Variants in EHMT1 observed in about 807,000 individuals in gnomAD.
EHMT1 encodes the protein histone-lysine N-methyltransferase EHMT1.
A neutral mutation model predicts 147.2 loss-of-function variants in EHMT1; 15 were observed. That is an observed-to-expected ratio of 0.10 (90% confidence interval 0.07 to 0.16). EHMT1 has a LOEUF of 0.16. Ranked by LOEUF, EHMT1 falls within the 10% of genes least tolerant of loss-of-function variation. EHMT1 has a pLI of 1.00. For missense variants in EHMT1, 1,587 were observed against 1,772.4 expected, an observed-to-expected ratio of 0.90 and a Z score of 1.88; for synonymous variants, 795 against 709.6, an observed-to-expected ratio of 1.12 and a Z score of -1.91.
Position 137,717,094 on chromosome 9 carries a change from A to T in EHMT1, c.554A>T (p.Asp185Val). ...GCCACCCTTGGGGAGGGGAGTGCTGACACAGAGGACAGGAAGCTCCCGGCC... is the reference window on the plus strand; with the variant it reads ...GCCACCCTTGGGGAGGGGAGTGCTGTCACAGAGGACAGGAAGCTCCCGGCC... Reference protein sequence around the residue: ...PPATLGEGSADTEDRKLPAPG... With the variant: ...PPATLGEGSAVTEDRKLPAPG... The change falls in exon 3 of 27, where the codon GAC becomes GTC. Residue 185 changes from aspartate to valine, a missense_variant. Physicochemically the swap from Asp to Val is radical, Grantham distance 152. Around this residue, in one of 7 missense-constraint regions of EHMT1, gnomAD observed 810 missense variants for 673.0 expected, o/e 1.20. Transcript: ENST00000460843. The T allele has an allele frequency of 6.2e-7, 1 of 1,612,274 alleles. No homozygotes were observed. Among genetic ancestry groups the T allele is most frequent in the African/African-American group, 1.3e-5 (1 of 75,058 alleles).
At position 137,796,031 on chromosome 9, in the gene EHMT1, G is replaced by A. The variant is rs551388948; in HGVS notation, c.2506-2782G>A. The stretch of plus-strand genomic sequence containing the variant: ...CTGTCAGTAGTTATGCTGCAGACTC[G>A]CTCTCATCCTAAAAGGCAGAGGTTT... On this transcript the variant is annotated intron_variant, in intron 16 of 26. Transcript: ENST00000460843. Among the ~76,000 whole-genome samples, 94 of 152,330 alleles carry A rather than the reference G, an allele frequency of 6.2e-4. 1 individual carries two copies. Among genetic ancestry groups the A allele is most frequent in the African/African-American group, 1.7e-3 (70 of 41,574 alleles).
At chr9:137,658,251 A>T (rs535851326) in intron 1 of EHMT1, among the ~76,000 whole-genome samples, 1 of 152,094 alleles carries the variant, frequency 6.6e-6, no homozygotes, top group South Asian at 2.1e-4. Flanking sequence ...CCTGGGTTCA[A>T]GTGATTCTTG....
chr9:137,644,044 CCTT>C (rs1402786485), intron 1 of EHMT1, among the ~76,000 whole-genome samples: 2 of 152,206 alleles, frequency 1.3e-5, no homozygotes, highest in Non-Finnish European at 2.9e-5. Flanking sequence ...GCCGCTCCTC[CCTT>C]CTTGTTTTGA....
At chr9:137,820,190 CTT>C (rs1300172271) in intron 25 of EHMT1, 1 of 152,230 alleles carries the variant, frequency 6.6e-6, no homozygotes, top group African/African-American at 2.4e-5. Context: ...GGTGAAATGA[CTT>C]GTGTTTCATA....
intron 4 of EHMT1, 178 bp from the exon 5 acceptor site, chr9:137,743,193 G>A (rs556942202): frequency 6.1e-6 from 4 of 651,222 alleles, no homozygotes; most frequent in Admixed American, 2.9e-5. Flanking sequence ...TGAATTGATC[G>A]TGAGGGAAGG....
At chr9:137,626,701 T>C (rs1395834448) in intron 1 of EHMT1, among the ~76,000 whole-genome samples, 1 of 152,142 alleles carries the variant, frequency 6.6e-6, no homozygotes, top group Non-Finnish European at 1.5e-5. Flanking sequence ...CATGGAAAGC[T>C]GAGTGCTGGG....
intron 16 of EHMT1, among the ~76,000 whole-genome samples, chr9:137,795,538 G>GC: frequency 6.6e-6 from 1 of 152,174 alleles, no homozygotes. Flanking sequence ...GGATGTGAGT[G>GC]AAATTGAGGT....
chr9:137,631,666 A>G (rs976324920), intron 1 of EHMT1, among the ~76,000 whole-genome samples: 4 of 152,160 alleles, frequency 2.6e-5, no homozygotes, highest in Non-Finnish European at 5.9e-5. Context: ...ACTTGAGCCC[A>G]GGAGTTCAAG....
intron 25 of EHMT1, among the ~76,000 whole-genome samples, chr9:137,829,570 G>A (rs1238309118): frequency 6.6e-6 from 1 of 152,246 alleles, no homozygotes. Context: ...CAGACTCCTA[G>A]TTTCCCCGAT....
At chr9:137,725,753 G>A (rs1336583427) in intron 3 of EHMT1, among the ~76,000 whole-genome samples, 2 of 152,104 alleles carry the variant, frequency 1.3e-5, no homozygotes, top group African/African-American at 4.8e-5. Context: ...GACAGAGTGC[G>A]CCTGTGAGAC....
Position 137,762,833 on chromosome 9 carries a change from G to C in EHMT1, c.1647+13G>C, listed in dbSNP as rs748182291. ...CGTGGACCATGAAGTAAGCACGTTT[G>C]TTTTCATTTAAAGCAGCCACGAGGA... On this transcript the variant is annotated intron_variant, in intron 10 of 26. Transcript: ENST00000460843. The C allele has an allele frequency of 2.5e-6, 4 of 1,613,912 alleles. No individual in the cohort carries two copies. The highest frequency in any genetic ancestry group is 1.3e-5 in the African/African-American group (1 of 74,930).
intron 1 of EHMT1, among the ~76,000 whole-genome samples, chr9:137,644,858 C>T (rs1564535025): frequency 2.6e-5 from 4 of 151,726 alleles, no homozygotes; most frequent in African/African-American, 9.7e-5. Flanking sequence ...GGTTAGGGCT[C>T]TATTTATTTA....
intron 1 of EHMT1, among the ~76,000 whole-genome samples, chr9:137,650,170 C>T (rs1845206621): frequency 6.6e-6 from 1 of 152,138 alleles, no homozygotes; most frequent in African/African-American, 2.4e-5. Context: ...GCAGTCACAG[C>T]TCACTGCAGC....
intron 25 of EHMT1, chr9:137,833,977 C>T (rs546402658): frequency 6.6e-6 from 2 of 303,794 alleles, no homozygotes; most frequent in East Asian, 8.4e-5. Context: ...GGGGCTCTTG[C>T]AGCCCCGGCC....
chr9:137,647,232 C>T (rs1312861982), intron 1 of EHMT1, among the ~76,000 whole-genome samples: 2 of 152,090 alleles, frequency 1.3e-5, no homozygotes, highest in Non-Finnish European at 2.9e-5. Flanking sequence ...CTGAGCTATC[C>T]AGTCCTCTGT....
chr9:137,714,537 G>A (rs1281329483), intron 2 of EHMT1, among the ~76,000 whole-genome samples: 1 of 148,738 alleles, frequency 6.7e-6, no homozygotes, highest in African/African-American at 2.5e-5. Flanking sequence ...GGGGTGCGGA[G>A]CTGGATTCAG....
intron 1 of EHMT1, among the ~76,000 whole-genome samples, chr9:137,706,114 G>A (rs1201414009): frequency 1.3e-5 from 2 of 152,172 alleles, no homozygotes; most frequent in Non-Finnish European, 2.9e-5. Flanking sequence ...GCCAGTCAAG[G>A]CACACGGGGC....
chr9:137,783,217 G>A (rs1951702357), intron 15 of EHMT1, among the ~76,000 whole-genome samples: 1 of 152,172 alleles, frequency 6.6e-6, no homozygotes, highest in Admixed American at 6.5e-5. Flanking sequence ...TGACTTCTGT[G>A]CCCAGGTCTT....
At chr9:137,639,974 G>T (rs1367411472) in intron 1 of EHMT1, among the ~76,000 whole-genome samples, 1 of 152,122 alleles carries the variant, frequency 6.6e-6, no homozygotes, top group Non-Finnish European at 1.5e-5. Flanking sequence ...CGCTCTTGTT[G>T]CCCAGGCTGG....
Sources: gnomAD v4.1 joint callset for allele counts (sites outside exome capture counted in the v4.1 genomes callset) on GRCh38, gnomAD v4.1.1 for gene constraint, gnomAD v4.1.1 regional missense constraint, MANE v1.5 for transcripts, NCBI Gene and HGNC (gene_info 2026-07-23, HGNC 2026-07-21) for gene names.